INSL6: variants seen among roughly 807,000 people sequenced by gnomAD.
The protein encoded by INSL6 is insulin-like peptide INSL6.
INSL6 carries 16 observed loss-of-function variants against 9.4 expected under a neutral mutation model. That is an observed-to-expected ratio of 1.70 (90% CI 1.15 to 2.59). INSL6 has a LOEUF of 2.59. Ranked by LOEUF, INSL6 falls within the 30% of genes most tolerant of loss-of-function variation. The probability of loss-of-function intolerance (pLI) is 0.00; values close to 1 mark genes in which losing one functional copy is unlikely to be tolerated. For synonymous variants in INSL6, 154 were observed against 96.9 expected (o/e 1.59, Z -3.46); for missense variants, 391 against 257.3 (o/e 1.52, Z -3.56).
chr9:5,010,848 T>G, the INSL6 span, among the ~76,000 whole-genome samples: 1 of 152,208 alleles, frequency 6.6e-6, no homozygotes, highest in Non-Finnish European at 1.5e-5. Flanking sequence ...CCTTGAATTT[T>G]GAAAATTCTT....
the INSL6 span, among the ~76,000 whole-genome samples, chr9:5,056,333 T>G: frequency 6.6e-6 from 1 of 152,088 alleles, no homozygotes; most frequent in African/African-American, 2.4e-5. Flanking sequence ...AGAAATGAAT[T>G]ATTTTATACT....
chr9:5,059,042 A>G, the INSL6 span, among the ~76,000 whole-genome samples: 1 of 152,116 alleles, frequency 6.6e-6, no homozygotes, highest in South Asian at 2.1e-4. Flanking sequence ...TAGCTAGTTC[A>G]ACTTTTGTTG....
At chr9:5,001,477 G>C in the INSL6 span, among the ~76,000 whole-genome samples, 1 of 152,100 alleles carries the variant, frequency 6.6e-6, no homozygotes, top group Admixed American at 6.6e-5. Context: ...CTGTTAATGA[G>C]GTAAATTGCA....
At chr9:5,138,006 G>A (rs1262743017) in intron 2 of INSL6, among the ~76,000 whole-genome samples, 1 of 152,192 alleles carries the variant, frequency 6.6e-6, no homozygotes, top group Non-Finnish European at 1.5e-5. Flanking sequence ...GGTCATTAGA[G>A]AAATGCAAAT....
At chr9:5,081,351 A>G in the INSL6 span, among the ~76,000 whole-genome samples, 1 of 151,616 alleles carries the variant, frequency 6.6e-6, no homozygotes, top group Non-Finnish European at 1.5e-5. Context: ...CATGAGCTGT[A>G]TTTGTTTTGC....
chr9:5,121,382 C>G (rs1218862133), downstream of INSL6, among the ~76,000 whole-genome samples: 5 of 152,190 alleles, frequency 3.3e-5, no homozygotes, highest in African/African-American at 1.2e-4. Context: ...CTATTTGCCA[C>G]ATACGTAGTT....
chr9:5,153,896 C>T (rs961787776), intron 2 of INSL6, among the ~76,000 whole-genome samples: 1 of 152,150 alleles, frequency 6.6e-6, no homozygotes, highest in African/African-American at 2.4e-5. Context: ...GGCCATACTG[C>T]CCAAAGTAAT....
chr9:5,023,194 C>G, the INSL6 span, among the ~76,000 whole-genome samples: 1 of 152,176 alleles, frequency 6.6e-6, no homozygotes, highest in Non-Finnish European at 1.5e-5. Context: ...TCTCTGCTAC[C>G]AATCCACTCT....
the INSL6 span, among the ~76,000 whole-genome samples, chr9:5,024,871 C>G: frequency 6.6e-6 from 1 of 152,170 alleles, no homozygotes; most frequent in East Asian, 1.9e-4. Flanking sequence ...TTAAGGTTGG[C>G]TCTGTTCACT....
chr9:5,013,328 C>A, the INSL6 span, among the ~76,000 whole-genome samples: 1 of 152,166 alleles, frequency 6.6e-6, no homozygotes, highest in African/African-American at 2.4e-5. Flanking sequence ...GTAGGAAAAA[C>A]ATAGTATATC....
At chr9:4,995,982 T>C in the INSL6 span, among the ~76,000 whole-genome samples, 1 of 152,236 alleles carries the variant, frequency 6.6e-6, no homozygotes, top group African/African-American at 2.4e-5. Context: ...ATAGTTTTAT[T>C]TGTATCAAAT....
the INSL6 span, among the ~76,000 whole-genome samples, chr9:5,092,864 G>C: frequency 0.4 from 60,082 of 151,916 alleles, 13,861 homozygotes; most frequent in African/African-American, 0.65. Flanking sequence ...ATTACTTAAT[G>C]TCCCTGTAAG....
the INSL6 span, among the ~76,000 whole-genome samples, chr9:5,029,342 A>G: frequency 6.6e-6 from 1 of 152,202 alleles, no homozygotes. Flanking sequence ...AGCGGCCCCA[A>G]ATGATTACAA....
chr9:5,072,494 T>C, the INSL6 span: 1 of 1,557,908 alleles, frequency 6.4e-7, no homozygotes, highest in Non-Finnish European at 8.7e-7. Context: ...TCTTGAAGAA[T>C]GAAAGCCTTG....
downstream of INSL6, among the ~76,000 whole-genome samples, chr9:5,122,291 G>C (rs10815162): frequency 0.25 from 38,668 of 152,026 alleles, 5,013 homozygotes; most frequent in African/African-American, 0.3. Flanking sequence ...CCCTTGGATA[G>C]TGTTAATGCT....
At chr9:5,174,846 C>G (rs1162434069) in intron 1 of INSL6, among the ~76,000 whole-genome samples, 1 of 152,196 alleles carries the variant, frequency 6.6e-6, no homozygotes, top group Non-Finnish European at 1.5e-5. Flanking sequence ...CAAACCTGTT[C>G]CACTTCGAGG....
chr9:5,036,416 C>G, the INSL6 span, among the ~76,000 whole-genome samples: 1 of 152,096 alleles, frequency 6.6e-6, no homozygotes, highest in Non-Finnish European at 1.5e-5. Flanking sequence ...CCCACATTGC[C>G]AAGTCAATCC....
downstream of INSL6, among the ~76,000 whole-genome samples, chr9:5,163,381 T>C (rs1457112525): frequency 2.0e-5 from 3 of 152,196 alleles, no homozygotes; most frequent in African/African-American, 2.4e-5. Context: ...AAACTCTCTT[T>C]TAAGTTCTCA....
chr9:5,054,733 A>C, the INSL6 span: 2 of 1,613,382 alleles, frequency 1.2e-6, no homozygotes, highest in East Asian at 4.5e-5. The surrounding 1 kb of genome is among the most constrained non-coding windows in gnomAD (Gnocchi z 4.9). Flanking sequence ...GAAACTCTGC[A>C]GTCTGCCTTC....
Sources: gnomAD v4.1 joint callset for allele counts (sites outside exome capture counted in the v4.1 genomes callset) on GRCh38, gnomAD v4.1.1 for gene constraint, Gnocchi (gnomAD v3.1) non-coding constraint, MANE v1.5 for transcripts, NCBI Gene and HGNC (gene_info 2026-07-23, HGNC 2026-07-21) for gene names.